The following CACNG5 variants were observed in gnomAD, a reference collection of about 807,000 sequenced individuals.
CACNG5 encodes the protein calcium voltage-gated channel auxiliary subunit gamma 5.
CACNG5 carries 18 observed loss-of-function variants against 24.8 expected under a neutral mutation model. The ratio of observed to expected loss-of-function variants is 0.73; its 90% CI spans 0.50 to 1.08. The LOEUF (loss-of-function observed/expected upper bound fraction) is 1.08. Ranked by LOEUF, CACNG5 falls within the 50% of genes least tolerant of loss-of-function variation. The pLI is 0.00. For synonymous variants in CACNG5, 157 were observed against 149.1 expected (o/e 1.05, Z -0.39); for missense variants, 349 against 367.9 (o/e 0.95, Z 0.42).
chr17:66,864,160 G>A (rs575869503), intron 1 of CACNG5, among the ~76,000 whole-genome samples: 2 of 152,164 alleles, frequency 1.3e-5, no homozygotes, highest in Non-Finnish European at 2.9e-5. Context: ...GATAGGAGAA[G>A]GTTGCCTATA....
At chr17:66,848,170 C>T (rs1234418651) in intron 1 of CACNG5, among the ~76,000 whole-genome samples, 2 of 152,206 alleles carry the variant, frequency 1.3e-5, no homozygotes, top group African/African-American at 4.8e-5. Flanking sequence ...TGAATCTGAA[C>T]CTGACAGCCC....
chr17:66,877,150 TG>T, intron 1 of CACNG5, 79 bp from the exon 2 acceptor site: 2 of 576,924 alleles, frequency 3.5e-6, no homozygotes, highest in Non-Finnish European at 6.2e-6. Context: ...TCCAGGGGGT[TG>T]CCTGGTGGTC....
rs139077592 is a variant in CACNG5, at chr17:66,876,093, G to A, written c.-103-1137G>A. ...GCAGATTTCAATTTAGGATGTTGGA[G>A]AGGCCAGAGAGTCTACTTTTCTAAC... is the stretch of plus-strand genomic sequence containing the variant. On this transcript the variant is annotated intron_variant, in intron 1 of 5. Coordinates refer to ENST00000533854, the MANE Select transcript of CACNG5 (RefSeq NM_145811.3). 1.5e-3 allele frequency among the ~76,000 whole-genome samples: 228 copies of A among 152,346 alleles called. 1 individual carries two copies. The highest frequency in any genetic ancestry group is 5.3e-3 in the African/African-American group (219 of 41,584).
intron 1 of CACNG5, among the ~76,000 whole-genome samples, chr17:66,848,262 C>A (rs1976664340): frequency 6.6e-6 from 1 of 152,166 alleles, no homozygotes; most frequent in Non-Finnish European, 1.5e-5. Flanking sequence ...TGTATTCTCC[C>A]CTCATTCCAA....
At chr17:66,867,478 G>C (rs1369917553) in intron 1 of CACNG5, among the ~76,000 whole-genome samples, 1 of 152,128 alleles carries the variant, frequency 6.6e-6, no homozygotes, top group African/African-American at 2.4e-5. Flanking sequence ...AGTTTGATTA[G>C]ATCCCATTTG....
At chr17:66,863,453 G>A (rs979541295) in intron 1 of CACNG5, among the ~76,000 whole-genome samples, 1 of 151,836 alleles carries the variant, frequency 6.6e-6, no homozygotes, top group African/African-American at 2.4e-5. Context: ...TGCAACCTCC[G>A]CCTCCTGGGT....
chr17:66,874,423 C>T (rs530219701), intron 1 of CACNG5, among the ~76,000 whole-genome samples: 1 of 152,122 alleles, frequency 6.6e-6, no homozygotes, highest in Non-Finnish European at 1.5e-5. Context: ...CAGGCTGAGA[C>T]GTTCAAGGCC....
intron 2 of CACNG5, 136 bp downstream of exon 2, chr17:66,877,664 G>T: frequency 1.4e-6 from 1 of 710,932 alleles, no homozygotes; most frequent in South Asian, 1.9e-5. Context: ...TATGGCGGGT[G>T]GTGCTCCCTG....
rs746225948 is a variant in CACNG5 at position 66,880,637 on chromosome 17, C to T, written c.364C>T (p.His122Tyr). The T allele has an allele frequency of 1.9e-6, 3 of 1,614,210 alleles. No homozygotes were observed. The highest frequency in any genetic ancestry group is 1.3e-5 in the African/African-American group (1 of 75,064). The change falls in exon 4 of 6, where the codon CAC becomes TAC. Residue 122 changes from histidine (H) to tyrosine (Y), a missense_variant. Transcript: ENST00000533854. Reference sequence around the variant, plus strand: ...TGGGTTTATCCTGAACAACATCGGACACATCCGTCCCCACCGGACGATACT... The same window carrying T: ...TGGGTTTATCCTGAACAACATCGGATACATCCGTCCCCACCGGACGATACT... The part of the protein sequence containing the change: ...FIGFILNNIG[H>Y]IRPHRTILAF...
intron 1 of CACNG5, among the ~76,000 whole-genome samples, chr17:66,860,205 G>C (rs1253374734): frequency 6.6e-6 from 1 of 152,130 alleles, no homozygotes; most frequent in Non-Finnish European, 1.5e-5. Context: ...GGGCTAGATT[G>C]CTGGGTTCAA....
chr17:66,886,692 A>G lies in CACNG5; in HGVS notation c.*1452A>G, dbSNP rs1977266302. The stretch of plus-strand genomic sequence containing the variant: ...GTGGGCTCCAGCACGTAGTCCAGAA[A>G]GCTGCACGTCTGGTGTGCGCAGCCT... On this transcript the variant is annotated 3_prime_UTR_variant, in exon 6 of 6. Transcript: ENST00000533854. 1.3e-5 allele frequency among the ~76,000 whole-genome samples: 2 copies of G among 152,230 alleles called. No individual in the cohort carries two copies. Among genetic ancestry groups the G allele is most frequent in the African/African-American group, 4.8e-5 (2 of 41,462 alleles).
rs557619292 is a variant in CACNG5 at position 66,844,009 on chromosome 17, G to C, written c.-104+8759G>C. 2.3e-4 allele frequency among the ~76,000 whole-genome samples: 35 copies of C among 152,294 alleles called. No individual in the cohort carries two copies. In the South Asian group the frequency reaches 6.4e-3, roughly 28 times the overall value. ...GGTTGTCCATACTCTCTGGGGTCTGGAGTGATGAACCAGACAGCAGATCTG... is the reference window on the plus strand; with the variant it reads ...GGTTGTCCATACTCTCTGGGGTCTGCAGTGATGAACCAGACAGCAGATCTG... On this transcript the variant is annotated intron_variant, in intron 1 of 5. Coordinates refer to ENST00000533854, the MANE Select transcript of CACNG5 (RefSeq NM_145811.3).
intron 1 of CACNG5, among the ~76,000 whole-genome samples, chr17:66,866,052 C>G (rs570662492): frequency 6.6e-6 from 1 of 152,188 alleles, no homozygotes; most frequent in Admixed American, 6.5e-5. Context: ...CAGATGCCCA[C>G]ACATATTTAG....
rs557449485 is a variant in CACNG5 at position 66,892,357 on chromosome 17, G to T, written c.*7117G>T. Among the ~76,000 whole-genome samples the T allele has an allele frequency of 6.6e-6, 1 of 152,382 alleles. No individual in the cohort carries two copies. The highest frequency in any genetic ancestry group is 6.5e-5 in the Admixed American group (1 of 15,310). On this transcript the variant is annotated 3_prime_UTR_variant, in exon 6 of 6. Transcript: ENST00000533854. ...CAGCTAGAGCCTGCCCCTGGAAAGA[G>T]GATAGAGAACATTCTGGAGCCAACG...
At chr17:66,841,313 A>T (rs1465958996) in intron 1 of CACNG5, among the ~76,000 whole-genome samples, 1 of 152,232 alleles carries the variant, frequency 6.6e-6, no homozygotes, top group Admixed American at 6.5e-5. Flanking sequence ...CATCTATCTC[A>T]GTGAGCAGAG....
rs913247438 is a variant in CACNG5 at position 66,884,516 on chromosome 17, G to A, written c.425G>A (p.Gly142Asp). ...FVSGIFFILS[G>D]LSLVVGLVLY... Reference sequence around the variant, plus strand: ...CCCCTCTCCCCTGCTGCCCAACCAGGCCTCTCTCTCGTGGTGGGCCTGGTG... The same window carrying A: ...CCCCTCTCCCCTGCTGCCCAACCAGACCTCTCTCTCGTGGTGGGCCTGGTG... The change falls in exon 5 of 6, where the codon GGC (glycine) becomes GAC (aspartate). Residue 142 changes from glycine (G) to aspartate (D), a missense_variant and splice_region_variant. Transcript: ENST00000533854. 1 of 1,606,274 alleles carries A rather than the reference G, an allele frequency of 6.2e-7. No homozygotes were observed. The highest frequency in any genetic ancestry group is 8.5e-7 in the Non-Finnish European group (1 of 1,175,298).
chr17:66,885,005 A>G lies in CACNG5; in HGVS notation c.593A>G (p.Tyr198Cys). 1 of 1,613,974 alleles carries G rather than the reference A, an allele frequency of 6.2e-7. No individual in the cohort carries two copies. The highest frequency in any genetic ancestry group is 8.5e-7 in the Non-Finnish European group (1 of 1,179,964). ...LTESAGVMSV[Y>C]LFMKRYTAED... ...TAGAGTGCCGGGGTGATGTCTGTGT[A>G]CCTGTTTATGAAGCGGTACACCGCG... Residue 198 changes from tyrosine to cysteine, a missense_variant, in exon 6 of 6, where the codon TAC (tyrosine) becomes TGC (cysteine). Transcript: ENST00000533854.
intron 1 of CACNG5, among the ~76,000 whole-genome samples, chr17:66,865,937 G>A (rs1007443062): frequency 2.6e-5 from 4 of 151,430 alleles, no homozygotes; most frequent in Admixed American, 1.3e-4. Flanking sequence ...CACCGCACCC[G>A]GCCAAGTCTG....
Position 66,885,112 on chromosome 17 carries a change from C to T in CACNG5, c.700C>T (p.Pro234Ser). ...CSDYSGQFLH[P>S]DAWVRGRSPS... is the part of the protein sequence containing the mutation. ...CGATTACTCAGGCCAGTTCCTACACCCAGACGCCTGGGTCAGGGGCCGCAG... is the reference window on the plus strand; with the variant it reads ...CGATTACTCAGGCCAGTTCCTACACTCAGACGCCTGGGTCAGGGGCCGCAG... Residue 234 changes from proline to serine, a missense_variant, in exon 6 of 6, where the codon CCA (proline) becomes TCA (serine). Physicochemically the swap from Pro to Ser is moderately conservative, Grantham distance 74 (BLOSUM62 -1). Coordinates refer to ENST00000533854, the MANE Select transcript of CACNG5 (RefSeq NM_145811.3). The T allele has an allele frequency of 1.9e-6, 3 of 1,614,196 alleles. No individual in the cohort carries two copies. The highest frequency in any genetic ancestry group is 2.5e-6 in the Non-Finnish European group (3 of 1,180,040).
Sources: gnomAD v4.1 joint callset for allele counts (sites outside exome capture counted in the v4.1 genomes callset) on GRCh38, gnomAD v4.1.1 for gene constraint, MANE v1.5 for transcripts, NCBI Gene and HGNC (gene_info 2026-07-23, HGNC 2026-07-21) for gene names.